KDM2B: variants seen among roughly 807,000 people sequenced by gnomAD.
KDM2B encodes lysine demethylase 2B.
In KDM2B, 26 loss-of-function variants were observed where a neutral mutation model predicts 150.0. The observed-to-expected ratio is 0.17, with a 90% confidence interval of 0.13 to 0.24. The LOEUF is 0.24. Among genes scored for constraint, KDM2B ranks in the 10% least tolerant of loss-of-function variants. The pLI is 1.00. For synonymous variants in KDM2B, 734 were observed against 729.5 expected (o/e 1.01, Z -0.10); for missense variants, 1,265 against 1,816.9 (o/e 0.70, Z 5.52).
At position 121,453,285 on chromosome 12, in the gene KDM2B, G is replaced by C; in HGVS notation, c.1794C>G (p.Ala598=). 1.2e-6 allele frequency: 2 copies of C among 1,606,206 alleles called. No individual in the cohort carries two copies. Among genetic ancestry groups the C allele is most frequent in the Non-Finnish European group, 1.7e-6 (2 of 1,176,592 alleles). Residue 598 remains alanine (A), a synonymous_variant, in exon 13 of 23, where the codon GCC becomes GCG. Transcript: ENST00000377071. The surrounding 1 kb of genome is among the most constrained non-coding windows in gnomAD (Gnocchi z 6.4). ...KLGPASAVKL[A]ANRTTAGARR... ...GAGCTCCTGCCGTTGTCCGGTTGGCGGCCAACTTCACCGCGGAGGCCGGGC... is the reference window on the plus strand; with the variant it reads ...GAGCTCCTGCCGTTGTCCGGTTGGCCGCCAACTTCACCGCGGAGGCCGGGC...
At chr12:121,421,827 A>C in the KDM2B span, among the ~76,000 whole-genome samples, 229 of 152,274 alleles carry the variant, frequency 1.5e-3, no homozygotes, top group African/African-American at 5.2e-3. Flanking sequence ...TTATGTTCCT[A>C]TCTAGCTTAA....
At chr12:121,448,930 G>C (rs887044924) in intron 13 of KDM2B, among the ~76,000 whole-genome samples, 2 of 152,340 alleles carry the variant, frequency 1.3e-5, no homozygotes, top group South Asian at 2.1e-4. Flanking sequence ...CTGATTTCTG[G>C]AGGACTTGGA....
the KDM2B span, among the ~76,000 whole-genome samples, chr12:121,421,733 G>C: frequency 6.6e-6 from 1 of 152,026 alleles, no homozygotes; most frequent in Middle Eastern, 3.4e-3. Flanking sequence ...ATTGAGACAG[G>C]GTCTCACTAT....
chr12:121,467,094 T>C lies in KDM2B; in HGVS notation c.1735-13750A>G. 1.0e-6 allele frequency: 1 copy of C among 993,530 alleles called. No homozygotes were observed. 61.5% of individuals were successfully genotyped at this position (993,530 alleles called of 1,614,324 possible). ...CGGCGTCGCGGCCGCCCTCGGCGCG[T>C]CAGACAGGCGGTCGGGAGGTCGTGC... is the stretch of plus-strand genomic sequence containing the variant. On this transcript the variant is annotated intron_variant, in intron 12 of 22. Transcript: ENST00000377071. This position sits in a 1 kb window ranked among gnomAD's most constrained non-coding sequence, Gnocchi z 5.1.
At chr12:121,570,721 G>C (rs541959760) in intron 4 of KDM2B, among the ~76,000 whole-genome samples, 1 of 152,258 alleles carries the variant, frequency 6.6e-6, no homozygotes, top group East Asian at 1.9e-4. Flanking sequence ...ACTGCTTATG[G>C]GAGTGTAAAA....
chr12:121,524,978 C>A (rs565353991), intron 8 of KDM2B, among the ~76,000 whole-genome samples: 4 of 152,316 alleles, frequency 2.6e-5, no homozygotes, highest in East Asian at 3.9e-4. Flanking sequence ...AATCCAAAGG[C>A]CCCACCCACA....
chr12:121,437,461 C>G (rs1281963544), intron 22 of KDM2B, among the ~76,000 whole-genome samples: 1 of 151,758 alleles, frequency 6.6e-6, no homozygotes, highest in African/African-American at 2.4e-5. Context: ...GTAATAAATC[C>G]TCATGTTATA....
At chr12:121,419,215 T>C in the KDM2B span, among the ~76,000 whole-genome samples, 6 of 152,234 alleles carry the variant, frequency 3.9e-5, no homozygotes, top group Admixed American at 3.3e-4. Context: ...TACTGTGTTA[T>C]AGCTGCCTAC....
intron 22 of KDM2B, among the ~76,000 whole-genome samples, chr12:121,435,891 C>T (rs1369262948): frequency 1.3e-5 from 2 of 152,126 alleles, no homozygotes; most frequent in African/African-American, 2.4e-5. Context: ...AAGCTCCAAC[C>T]GCGTGCCCAG....
chr12:121,579,938 A>T, intron 1 of KDM2B: 1 of 1,525,198 alleles, frequency 6.6e-7, no homozygotes, highest in Non-Finnish European at 8.7e-7. Context: ...GCAGCGAGAA[A>T]CAACCAAAAA....
In KDM2B at chr12:121,467,160, G is replaced by A; in HGVS notation, c.1735-13816C>T. On this transcript the variant is annotated intron_variant, in intron 12 of 22. Coordinates refer to ENST00000377071, the MANE Select transcript of KDM2B (RefSeq NM_032590.5). The surrounding 1 kb of genome is among the most constrained non-coding windows in gnomAD (Gnocchi z 5.1). ...CAGCCCCACCCCGGGCCGCCGACCT[G>A]GTCCGGCTCCGATTCATAGTCGTCG... 8.9e-7 allele frequency: 1 copy of A among 1,123,010 alleles called. No individual in the cohort carries two copies. The highest frequency in any genetic ancestry group is 1.1e-6 in the Non-Finnish European group (1 of 899,032). 69.6% of individuals were successfully genotyped at this position (1,123,010 alleles called of 1,614,324 possible).
chr12:121,546,047 G>A (rs1318730873), intron 6 of KDM2B, among the ~76,000 whole-genome samples: 2 of 151,978 alleles, frequency 1.3e-5, no homozygotes, highest in African/African-American at 2.4e-5. Flanking sequence ...ACCAGCTCTG[G>A]GGCACTGTGG....
Position 121,467,215 on chromosome 12 carries a change from T to A in KDM2B, c.1735-13871A>T. 9.2e-7 allele frequency: 1 copy of A among 1,083,272 alleles called. No homozygotes were observed. The highest frequency in any genetic ancestry group is 2.1e-5 in the South Asian group (1 of 47,522). 67.1% of individuals were successfully genotyped at this position (1,083,272 alleles called of 1,614,324 possible). A position where few individuals can be genotyped will look rare whatever the true frequency, so the allele number is the denominator to read the frequency against. On this transcript the variant is annotated intron_variant, in intron 12 of 22. Coordinates refer to ENST00000377071, the MANE Select transcript of KDM2B (RefSeq NM_032590.5). The surrounding 1 kb of genome is among the most constrained non-coding windows in gnomAD (Gnocchi z 5.1). The stretch of plus-strand genomic sequence containing the variant: ...CGGCGCTCACGGACATGGCCATGGC[T>A]CATGGTGGGCCCAGGCTCGCGCGCG...
intron 22 of KDM2B, among the ~76,000 whole-genome samples, chr12:121,434,253 C>T (rs1873570457): frequency 6.6e-6 from 1 of 151,760 alleles, no homozygotes; most frequent in African/African-American, 2.4e-5. Flanking sequence ...ATCAAGAGCT[C>T]GGCCAGGCGT....
At chr12:121,532,191 C>T (rs1399618241) in intron 8 of KDM2B, among the ~76,000 whole-genome samples, 1 of 152,050 alleles carries the variant, frequency 6.6e-6, no homozygotes, top group Non-Finnish European at 1.5e-5. Flanking sequence ...GGACTATCAC[C>T]TCTCTCATCC....
rs1891923824 is a variant in KDM2B, at chr12:121,580,829, G to C, written c.83C>G (p.Thr28Arg). 4 of 1,603,548 alleles carry C rather than the reference G, an allele frequency of 2.5e-6. No individual in the cohort carries two copies. Among genetic ancestry groups the C allele is most frequent in the Non-Finnish European group, 2.6e-6 (3 of 1,171,158 alleles). ...TTCAAAGCATTTTGTATATATAACT[G>C]TTTTCTTTTTTTGCTTTTCTGCTGC... ...RHAAEKQKKK[T>R]VIYTKCFEFE... is the part of the protein sequence containing the mutation. Residue 28 changes from threonine (T) to arginine (R), a missense_variant, in exon 1 of 23, where the codon ACA becomes AGA. Coordinates refer to ENST00000377071, the MANE Select transcript of KDM2B (RefSeq NM_032590.5).
intron 11 of KDM2B, 131 bp from the exon 12 acceptor site, chr12:121,494,796 A>C: frequency 1.7e-6 from 1 of 605,624 alleles, no homozygotes; most frequent in Non-Finnish European, 2.8e-6. Flanking sequence ...CTCCACCACC[A>C]CCCACACATT....
intron 4 of KDM2B, among the ~76,000 whole-genome samples, chr12:121,551,557 G>T (rs1889496630): frequency 2.0e-5 from 3 of 151,578 alleles, no homozygotes; most frequent in East Asian, 1.9e-4. Flanking sequence ...TCTTTGTTTG[G>T]TTGGTTGGTT....
chr12:121,534,527 G>A lies in KDM2B; in HGVS notation c.747C>T (p.Ser249=), dbSNP rs781855269. ...CACCCCGGAAAACATGGTACCAAAC[G>A]GAAGTGCCTCCAAAGTCGATGTGGA... ...TDFHIDFGGT[S]VWYHVFRGGK... The change falls in exon 7 of 23, where the codon TCC becomes TCT. Residue 249 remains serine, a synonymous_variant. Transcript: ENST00000377071. 7 of 1,613,848 alleles carry A rather than the reference G, an allele frequency of 4.3e-6. No individual in the cohort carries two copies. Among genetic ancestry groups the A allele is most frequent in the Admixed American group, 3.3e-5 (2 of 59,986 alleles).
Sources: gnomAD v4.1 joint callset for allele counts (sites outside exome capture counted in the v4.1 genomes callset) on GRCh38, gnomAD v4.1.1 for gene constraint, Gnocchi (gnomAD v3.1) non-coding constraint, MANE v1.5 for transcripts, NCBI Gene and HGNC (gene_info 2026-07-23, HGNC 2026-07-21) for gene names.